Variants in ASB4 observed in about 807,000 individuals in gnomAD.
ASB4 encodes ankyrin repeat and SOCS box containing 4.
Under a neutral mutation model 38.6 loss-of-function variants are expected in ASB4, and 35 were observed. The ratio of observed to expected loss-of-function variants is 0.91; its 90% CI spans 0.69 to 1.20. The LOEUF (loss-of-function observed/expected upper bound fraction) is 1.20, where lower values mean the gene tolerates loss of function less well. ASB4 is among the 50% of genes most tolerant of loss of function. The probability of loss-of-function intolerance (pLI) is 0.00; values close to 1 mark genes in which losing one functional copy is unlikely to be tolerated. For missense variants in ASB4, 557 were observed against 527.2 expected, an observed-to-expected ratio of 1.06 and a Z score of -0.55; for synonymous variants, 195 against 201.3, an observed-to-expected ratio of 0.97 and a Z score of 0.26.
At chr7:95,526,996 C>G (rs1220629443) in intron 2 of ASB4, among the ~76,000 whole-genome samples, 1 of 152,156 alleles carries the variant, frequency 6.6e-6, no homozygotes, top group Non-Finnish European at 1.5e-5. Context: ...TTAAGTAATT[C>G]TAAGGAGCTT....
At chr7:95,485,898 C>G (rs1790081281), upstream of ASB4, 1 of 1,373,600 alleles carries the variant, frequency 7.3e-7, no homozygotes, top group African/African-American at 1.5e-5. Context: ...TTTGTGGACT[C>G]TCCAGCATGC....
At chr7:95,518,937 A>G (rs1366457224) in intron 2 of ASB4, among the ~76,000 whole-genome samples, 2 of 152,190 alleles carry the variant, frequency 1.3e-5, no homozygotes, top group Non-Finnish European at 2.9e-5. Flanking sequence ...TATAGATAAG[A>G]AGAAATAAAG....
intron 1 of ASB4, among the ~76,000 whole-genome samples, chr7:95,493,034 G>C (rs956555669): frequency 6.6e-6 from 1 of 152,086 alleles, no homozygotes; most frequent in African/African-American, 2.4e-5. Context: ...CACACGAGGC[G>C]TGGAGTTGAT....
upstream of ASB4, among the ~76,000 whole-genome samples, chr7:95,485,606 A>T (rs1790077507): frequency 6.6e-6 from 1 of 152,184 alleles, no homozygotes; most frequent in Non-Finnish European, 1.5e-5. Flanking sequence ...CAGGCACCAG[A>T]TGTTTTTATT....
At chr7:95,499,264 G>A (rs548369147) in intron 2 of ASB4, among the ~76,000 whole-genome samples, 1 of 152,252 alleles carries the variant, frequency 6.6e-6, no homozygotes, top group Non-Finnish European at 1.5e-5. Flanking sequence ...CAATGGAATC[G>A]CCTGGATAAA....
intron 2 of ASB4, among the ~76,000 whole-genome samples, chr7:95,511,436 G>C (rs1021242255): frequency 3.3e-5 from 5 of 152,192 alleles, no homozygotes; most frequent in African/African-American, 1.2e-4. Flanking sequence ...AGAGTAGGAA[G>C]TACGTGCACT....
intron 2 of ASB4, among the ~76,000 whole-genome samples, chr7:95,505,692 C>A (rs113967857): frequency 1.4e-5 from 2 of 143,206 alleles, no homozygotes; most frequent in African/African-American, 2.5e-5. Context: ...CGTGTCCCCC[C>A]CCCCCCAAAT....
At chr7:95,476,993 C>A (rs1404372523), upstream of ASB4, among the ~76,000 whole-genome samples, 1 of 152,086 alleles carries the variant, frequency 6.6e-6, no homozygotes, top group Non-Finnish European at 1.5e-5. Context: ...TAGAGAAATT[C>A]ATTGTAGGAA....
chr7:95,500,102 C>T (rs1442582193), intron 2 of ASB4, among the ~76,000 whole-genome samples: 4 of 151,680 alleles, frequency 2.6e-5, no homozygotes, highest in Non-Finnish European at 4.4e-5. Flanking sequence ...TGAGGGAGTT[C>T]GGATGGTTTT....
At chr7:95,532,252 A>G (rs1175662125) in intron 3 of ASB4, among the ~76,000 whole-genome samples, 1 of 152,248 alleles carries the variant, frequency 6.6e-6, no homozygotes, top group Non-Finnish European at 1.5e-5. Flanking sequence ...ACAAGGAACA[A>G]GGTCAGAGCT....
the ASB4 span, among the ~76,000 whole-genome samples, chr7:95,545,535 TTTTC>T: frequency 6.6e-6 from 1 of 152,210 alleles, no homozygotes; most frequent in Non-Finnish European, 1.5e-5. Context: ...TCCTCCCTGT[TTTTC>T]TTTCTGTCTC....
intron 2 of ASB4, among the ~76,000 whole-genome samples, chr7:95,504,171 G>C (rs1482359335): frequency 6.6e-6 from 1 of 152,172 alleles, no homozygotes; most frequent in Non-Finnish European, 1.5e-5. Flanking sequence ...GAAAATGAAA[G>C]CTGCCCGCTT....
At chr7:95,488,108 G>A (rs2116576373) in intron 1 of ASB4, among the ~76,000 whole-genome samples, 2 of 152,312 alleles carry the variant, frequency 1.3e-5, no homozygotes, top group Middle Eastern at 6.8e-3. Flanking sequence ...TTGAGAGGCC[G>A]AGGTGGGCTG....
At chr7:95,548,121 T>C in the ASB4 span, among the ~76,000 whole-genome samples, 4 of 152,240 alleles carry the variant, frequency 2.6e-5, no homozygotes, top group African/African-American at 9.6e-5. Flanking sequence ...TCAGCCACTT[T>C]AATTTTACAA....
chr7:95,539,795 C>A lies in ASB4; in HGVS notation c.*2036C>A, dbSNP rs766215291. ...CATATTGGGTACAGTGTACACTGCT[C>A]CAGTGATGGGTGCACTAAAATCTCA... On this transcript the variant is annotated 3_prime_UTR_variant, in exon 5 of 5. Transcript: ENST00000325885. 3 of 152,132 alleles carry A rather than the reference C, an allele frequency of 2.0e-5. No homozygotes were observed. Among genetic ancestry groups the A allele is most frequent in the Non-Finnish European group, 4.4e-5 (3 of 68,032 alleles). 9.4% of individuals were successfully genotyped at this position (152,132 alleles called of 1,614,324 possible).
At chr7:95,527,547 A>G (rs1790755380) in intron 2 of ASB4, among the ~76,000 whole-genome samples, 1 of 152,066 alleles carries the variant, frequency 6.6e-6, no homozygotes, top group Admixed American at 6.5e-5. Flanking sequence ...GAAATTCAGC[A>G]ACGCTCCAGC....
intron 3 of ASB4, among the ~76,000 whole-genome samples, chr7:95,535,017 G>A (rs1790869044): frequency 6.6e-6 from 1 of 152,002 alleles, no homozygotes; most frequent in East Asian, 1.9e-4. Context: ...ATCCAGGTTG[G>A]CCTCTTTACT....
At chr7:95,507,357 C>CTAGATTTGCAAATACAGCA (rs1004185900) in intron 2 of ASB4, among the ~76,000 whole-genome samples, 1 of 151,834 alleles carries the variant, frequency 6.6e-6, no homozygotes, top group Admixed American at 6.6e-5. Context: ...AGCATATCTG[C>CTAGATTTGCAAATACAGCA]TATCTAGAAT....
intron 2 of ASB4, among the ~76,000 whole-genome samples, chr7:95,515,161 C>CCCTT (rs1790537965): frequency 1.6e-5 from 2 of 125,856 alleles, no homozygotes; most frequent in African/African-American, 6.7e-5. Flanking sequence ...TTCTTTCTTT[C>CCCTT]TCTTTCTCTT....
Sources: gnomAD v4.1 joint callset for allele counts (sites outside exome capture counted in the v4.1 genomes callset) on GRCh38, gnomAD v4.1.1 for gene constraint, MANE v1.5 for transcripts, NCBI Gene and HGNC (gene_info 2026-07-23, HGNC 2026-07-21) for gene names.